The following JAZF1 variants were observed in gnomAD, a reference collection of about 807,000 sequenced individuals.
JAZF1 encodes juxtaposed with another zinc finger protein 1.
In JAZF1, 8 loss-of-function variants were observed where a neutral mutation model predicts 26.4. That is an observed-to-expected ratio of 0.30 (90% CI 0.18 to 0.55). The LOEUF (loss-of-function observed/expected upper bound fraction) is 0.55. Among genes scored for constraint, JAZF1 ranks in the 20% least tolerant of loss-of-function variants. The pLI is 0.94. For synonymous variants in JAZF1, 126 were observed against 122.3 expected, an observed-to-expected ratio of 1.03 and a Z score of -0.20; for missense variants, 199 against 322.0, an observed-to-expected ratio of 0.62 and a Z score of 2.92.
intron 2 of JAZF1, among the ~76,000 whole-genome samples, chr7:27,972,067 T>C (rs1319196397): frequency 2.0e-5 from 3 of 152,144 alleles, no homozygotes; most frequent in Non-Finnish European, 4.4e-5. Flanking sequence ...GCTGAGGATG[T>C]AGTAACGACC....
At chr7:27,904,657 T>C (rs917440623) in intron 2 of JAZF1, among the ~76,000 whole-genome samples, 2 of 129,562 alleles carry the variant, frequency 1.5e-5, no homozygotes, top group Non-Finnish European at 3.4e-5. Context: ...ATAGAACTTT[T>C]GCAGTATCAC....
At chr7:28,054,982 G>A (rs958712810) in intron 1 of JAZF1, among the ~76,000 whole-genome samples, 1 of 152,008 alleles carries the variant, frequency 6.6e-6, no homozygotes, top group African/African-American at 2.4e-5. Flanking sequence ...GCTCTATCTC[G>A]ATCTGGATGG....
intron 2 of JAZF1, among the ~76,000 whole-genome samples, chr7:27,972,915 T>C (rs969097034): frequency 1.3e-5 from 2 of 149,070 alleles, no homozygotes; most frequent in Admixed American, 6.7e-5. Flanking sequence ...TATATAGATA[T>C]ATTTTATGCA....
chr7:27,983,961 G>C (rs1447959194), intron 2 of JAZF1, among the ~76,000 whole-genome samples: 1 of 152,104 alleles, frequency 6.6e-6, no homozygotes, highest in Non-Finnish European at 1.5e-5. Context: ...CACTAAACAT[G>C]GAAAGGAACA....
At chr7:27,990,925 T>C (rs76897212) in intron 2 of JAZF1, among the ~76,000 whole-genome samples, 1,685 of 152,248 alleles carry the variant, frequency 0.011, 29 homozygotes, top group African/African-American at 0.039. Flanking sequence ...CCAAGGGAGG[T>C]ATGGAAATAG....
At chr7:28,123,656 C>T (rs1440727519) in intron 1 of JAZF1, among the ~76,000 whole-genome samples, 3 of 152,208 alleles carry the variant, frequency 2.0e-5, no homozygotes, top group South Asian at 4.1e-4. Flanking sequence ...CAAACACTTT[C>T]CCAGAATTCA....
rs748941778 is a variant in JAZF1, at chr7:27,831,739, A to C, written c.*1061T>G. On this transcript the variant is annotated 3_prime_UTR_variant, in exon 5 of 5. Transcript: ENST00000283928. ...AAAATGAGCATGAAGAAGAGGCAAT[A>C]GGGGTCTTAACAAAAGTGTTCATCT... The C allele has an allele frequency of 4.0e-5, 9 of 224,902 alleles. No individual in the cohort carries two copies. The highest frequency in any genetic ancestry group is 8.0e-5 in the Non-Finnish European group (9 of 112,620). 13.9% of individuals were successfully genotyped at this position (224,902 alleles called of 1,614,324 possible). A position where few individuals can be genotyped will look rare whatever the true frequency, so the allele number is the denominator to read the frequency against.
intron 2 of JAZF1, among the ~76,000 whole-genome samples, chr7:27,945,361 T>C (rs1346718156): frequency 1.3e-5 from 2 of 152,176 alleles, no homozygotes; most frequent in South Asian, 2.1e-4. Flanking sequence ...GCTCTGCTGA[T>C]CATCCCCCTG....
chr7:28,045,669 T>A (rs1247900284), intron 1 of JAZF1, among the ~76,000 whole-genome samples: 1 of 152,146 alleles, frequency 6.6e-6, no homozygotes, highest in Non-Finnish European at 1.5e-5. Context: ...CTTGAACTCC[T>A]GGGCTCAAGC....
At chr7:28,178,466 G>A (rs1783580442) in intron 1 of JAZF1, among the ~76,000 whole-genome samples, 1 of 152,028 alleles carries the variant, frequency 6.6e-6, no homozygotes. Flanking sequence ...GAATGGATGG[G>A]ATATGCAATG....
intron 2 of JAZF1, among the ~76,000 whole-genome samples, chr7:27,930,283 C>T (rs1007743865): frequency 2.6e-5 from 4 of 152,206 alleles, no homozygotes; most frequent in African/African-American, 9.7e-5. Flanking sequence ...GCATGAGCCA[C>T]CGTGCCCGGC....
rs1159865179 is a variant in JAZF1 at position 28,109,112 on chromosome 7, A to G, written c.115+71351T>C. Among the ~76,000 whole-genome samples, 6 of 152,230 alleles carry G rather than the reference A, an allele frequency of 3.9e-5. 1 individual carries two copies. The East Asian group carries it at 1.2e-3, about 29-fold the overall frequency. ...TAAAGGATATAAACTTCCAGTTATA[A>G]GATGAATAATTCTGGGGATGTAATT... is the stretch of plus-strand genomic sequence containing the variant. On this transcript the variant is annotated intron_variant, in intron 1 of 4. Coordinates refer to ENST00000283928, the MANE Select transcript of JAZF1 (RefSeq NM_175061.4).
intron 3 of JAZF1, among the ~76,000 whole-genome samples, chr7:27,892,866 T>C (rs576846362): frequency 9.2e-5 from 14 of 152,220 alleles, no homozygotes; most frequent in Non-Finnish European, 1.5e-4. Context: ...TGAACATTTA[T>C]TGAGCACTGT....
chr7:27,864,702 A>G (rs939518257), intron 3 of JAZF1, among the ~76,000 whole-genome samples: 1 of 152,224 alleles, frequency 6.6e-6, no homozygotes, highest in Non-Finnish European at 1.5e-5. Flanking sequence ...TTCTTAAAAA[A>G]AAATCCTACA....
intron 1 of JAZF1, among the ~76,000 whole-genome samples, chr7:28,070,243 T>C (rs891934228): frequency 2.6e-5 from 4 of 152,242 alleles, no homozygotes; most frequent in African/African-American, 9.6e-5. Flanking sequence ...CAAGACTTCA[T>C]GTATCTATCC....
intron 2 of JAZF1, among the ~76,000 whole-genome samples, chr7:27,898,993 CCACA>C (rs1349650951): frequency 1.3e-5 from 2 of 152,118 alleles, no homozygotes; most frequent in African/African-American, 4.8e-5. Context: ...CACAGGAATG[CCACA>C]CAAACGCTGT....
At chr7:28,002,488 G>C (rs1305026954) in intron 1 of JAZF1, among the ~76,000 whole-genome samples, 2 of 152,102 alleles carry the variant, frequency 1.3e-5, no homozygotes, top group Non-Finnish European at 2.9e-5. Flanking sequence ...ACTTCTTTAA[G>C]CCTCAGTTTT....
intron 3 of JAZF1, among the ~76,000 whole-genome samples, chr7:27,850,111 A>G (rs1048507093): frequency 2.6e-5 from 4 of 152,230 alleles, no homozygotes; most frequent in Admixed American, 2.0e-4. Flanking sequence ...TGATAACTGC[A>G]GTGACAGCAA....
chr7:28,115,970 AAG>A (rs1190396092), intron 1 of JAZF1, among the ~76,000 whole-genome samples: 1 of 152,180 alleles, frequency 6.6e-6, no homozygotes, highest in Non-Finnish European at 1.5e-5. Context: ...TCAACGTATG[AAG>A]AGTTTCCATG....
Sources: allele counts gnomAD v4.1 joint callset (sites outside exome capture counted in the v4.1 genomes callset), GRCh38; gene constraint gnomAD v4.1.1; transcripts MANE v1.5; gene names NCBI Gene and HGNC (gene_info 2026-07-23, HGNC 2026-07-21).